The following PRKCE variants were observed in gnomAD, a reference collection of about 807,000 sequenced individuals.
PRKCE encodes protein kinase C epsilon type.
PRKCE carries 16 observed loss-of-function variants against 85.4 expected under a neutral mutation model. The observed-to-expected ratio is 0.19, with a 90% CI of 0.13 to 0.28. The LOEUF (loss-of-function observed/expected upper bound fraction) is 0.28, where lower values mean the gene tolerates loss of function less well. Among genes scored for constraint, PRKCE ranks in the 10% least tolerant of loss-of-function variants. The pLI, the probability that PRKCE is intolerant of heterozygous loss-of-function variation, is 1.00. For synonymous variants in PRKCE, 388 were observed against 371.5 expected (o/e 1.04, Z -0.51); for missense variants, 573 against 975.2 (o/e 0.59, Z 5.49).
chr2:46,162,242 G>A (rs1440117345), intron 14 of PRKCE, among the ~76,000 whole-genome samples: 2 of 152,164 alleles, frequency 1.3e-5, no homozygotes, highest in Non-Finnish European at 2.9e-5. Flanking sequence ...AAAGGGACCT[G>A]TGCTTTCTGT....
At chr2:45,760,757 G>C (rs1011363123) in intron 1 of PRKCE, among the ~76,000 whole-genome samples, 1 of 152,192 alleles carries the variant, frequency 6.6e-6, no homozygotes, top group African/African-American at 2.4e-5. Flanking sequence ...ATTATACCCG[G>C]TGAAAGGATG....
chr2:46,165,919 G>A (rs1678294091), intron 14 of PRKCE, among the ~76,000 whole-genome samples: 1 of 152,216 alleles, frequency 6.6e-6, no homozygotes, highest in Non-Finnish European at 1.5e-5. Flanking sequence ...TTCTCTTTGT[G>A]TACATGTTCT....
intron 2 of PRKCE, among the ~76,000 whole-genome samples, chr2:45,894,865 G>A (rs1342564993): frequency 1.3e-5 from 2 of 152,154 alleles, no homozygotes; most frequent in Non-Finnish European, 2.9e-5. Flanking sequence ...TGGGATTACA[G>A]GTGCCCACCA....
chr2:46,056,925 C>T (rs1666636056), intron 10 of PRKCE, among the ~76,000 whole-genome samples: 1 of 152,190 alleles, frequency 6.6e-6, no homozygotes, highest in Non-Finnish European at 1.5e-5. Context: ...CAAAAGAAAT[C>T]ACCCCAAAAC....
intron 10 of PRKCE, among the ~76,000 whole-genome samples, chr2:46,047,237 ACCT>A (rs1708581287): frequency 6.6e-6 from 1 of 152,080 alleles, no homozygotes; most frequent in African/African-American, 2.4e-5. Context: ...CTTGTCTGAT[ACCT>A]CCTTGCTAAA....
intron 1 of PRKCE, chr2:45,677,257 T>C (rs147044435): frequency 1.3e-5 from 2 of 152,100 alleles, no homozygotes; most frequent in Admixed American, 1.3e-4. Context: ...AGAGGCCACT[T>C]TAGGTGGATA....
chr2:45,893,737 A>G (rs1381211327), intron 2 of PRKCE, among the ~76,000 whole-genome samples: 1 of 151,884 alleles, frequency 6.6e-6, no homozygotes, highest in Non-Finnish European at 1.5e-5. Flanking sequence ...TTATTTGCCC[A>G]CTCATTGATC....
intron 2 of PRKCE, among the ~76,000 whole-genome samples, chr2:45,871,260 A>G (rs559645491): frequency 6.1e-4 from 93 of 152,334 alleles, no homozygotes; most frequent in African/African-American, 2.0e-3. Flanking sequence ...TGGCTTTGAG[A>G]GCATTTCATG....
At position 46,140,782 on chromosome 2, in the gene PRKCE, C is replaced by T. The variant is rs185845969; in HGVS notation, c.1593-4311C>T. ...TTGCAATTCTTATCTTCCTGTATGCCCTTTCATGCATGAAGTTTGTTTCCT... is the reference window on the plus strand; with the variant it reads ...TTGCAATTCTTATCTTCCTGTATGCTCTTTCATGCATGAAGTTTGTTTCCT... On this transcript the variant is annotated intron_variant, in intron 11 of 14. Transcript: ENST00000306156. Among the ~76,000 whole-genome samples the T allele has an allele frequency of 2.6e-4, 39 of 152,102 alleles. No homozygotes were observed. The East Asian group carries it at 6.6e-3, about 26-fold the overall frequency.
At chr2:46,098,368 G>C (rs1183367374) in intron 11 of PRKCE, among the ~76,000 whole-genome samples, 1 of 152,126 alleles carries the variant, frequency 6.6e-6, no homozygotes, top group Non-Finnish European at 1.5e-5. Flanking sequence ...ATGAGAGTTA[G>C]TACAAGTAAA....
At chr2:45,683,217 AT>A (rs924367784) in intron 1 of PRKCE, among the ~76,000 whole-genome samples, 7 of 152,062 alleles carry the variant, frequency 4.6e-5, no homozygotes, top group African/African-American at 1.7e-4. Flanking sequence ...TTTCCCTTTG[AT>A]TTTCACAAGG....
At chr2:45,975,945 G>A (rs61763796) in intron 2 of PRKCE, among the ~76,000 whole-genome samples, 23 of 152,350 alleles carry the variant, frequency 1.5e-4, no homozygotes, top group African/African-American at 5.5e-4. Flanking sequence ...AGCTTAGGGT[G>A]TGGAGATTCA....
intron 10 of PRKCE, among the ~76,000 whole-genome samples, chr2:46,023,880 A>G (rs908935243): frequency 9.9e-6 from 1 of 100,928 alleles, no homozygotes; most frequent in Non-Finnish European, 1.9e-5. Context: ...AATAACAAAA[A>G]TGGCAGGAAT....
chr2:45,978,278 C>A lies in PRKCE; in HGVS notation c.573-698C>A, dbSNP rs1489964204. The A allele has an allele frequency of 2.0e-5, 3 of 152,334 alleles. No homozygotes were observed. In the East Asian group the frequency reaches 5.8e-4, roughly 29 times the overall value. The allele number at this position is 152,334 out of a possible 1,614,324, so 9.4% of individuals were successfully genotyped here. A position where few individuals can be genotyped will look rare whatever the true frequency, so the allele number is the denominator to read the frequency against. On this transcript the variant is annotated intron_variant, in intron 3 of 14. Transcript: ENST00000306156. ...AGCTCTAGGTTCCCTGGGGTGGAGC[C>A]TGAATAGCTTCTGGTTCCCACTGGG...
intron 1 of PRKCE, among the ~76,000 whole-genome samples, chr2:45,827,488 G>T (rs989824503): frequency 3.3e-5 from 5 of 152,078 alleles, no homozygotes; most frequent in Middle Eastern, 3.2e-3. Context: ...TGTATGAGCC[G>T]GAATTGTTCA....
At chr2:45,654,087 A>G (rs898783263) in intron 1 of PRKCE, among the ~76,000 whole-genome samples, 2 of 152,254 alleles carry the variant, frequency 1.3e-5, no homozygotes, top group African/African-American at 4.8e-5. Context: ...AAGGGGGTGG[A>G]AAAAACTTGA....
rs572089014 is a variant in PRKCE, at chr2:46,145,760, T to G, written c.1731+529T>G. ...GTGCAAACCTGTAGTCCCAGCTACT[T>G]GGGAGGCTGAGGTGAAAGGATCAAT... On this transcript the variant is annotated intron_variant, in intron 12 of 14. Transcript: ENST00000306156. The surrounding 1 kb of genome is among the most constrained non-coding windows in gnomAD (Gnocchi z 4.6). Among the ~76,000 whole-genome samples the G allele has an allele frequency of 1.3e-5, 2 of 152,082 alleles. No homozygotes were observed. Among genetic ancestry groups the G allele is most frequent in the East Asian group, 1.9e-4 (1 of 5,170 alleles).
chr2:45,904,400 G>T (rs113963536), intron 2 of PRKCE, among the ~76,000 whole-genome samples: 522 of 152,202 alleles, frequency 3.4e-3, no homozygotes, highest in Non-Finnish European at 5.6e-3. Context: ...AGAAGATGAG[G>T]TTTCTTAACA....
intron 1 of PRKCE, among the ~76,000 whole-genome samples, chr2:45,726,960 G>A (rs192879544): frequency 1.3e-5 from 2 of 152,300 alleles, no homozygotes; most frequent in Admixed American, 6.5e-5. Flanking sequence ...TGGGAAATAA[G>A]ATTAAAAATG....
Sources: gnomAD v4.1 joint callset for allele counts (sites outside exome capture counted in the v4.1 genomes callset) on GRCh38, gnomAD v4.1.1 for gene constraint, Gnocchi (gnomAD v3.1) non-coding constraint, MANE v1.5 for transcripts, NCBI Gene and HGNC (gene_info 2026-07-23, HGNC 2026-07-21) for gene names.